TBC1D8B: variants seen among roughly 807,000 people sequenced by gnomAD.
TBC1D8B encodes the protein TBC1 domain family member 8B.
In TBC1D8B, 75 loss-of-function variants were observed where a neutral mutation model predicts 82.9. The observed-to-expected ratio is 0.90, with a 90% CI of 0.75 to 1.10. The LOEUF is 1.10. Among genes scored for constraint, TBC1D8B ranks in the 50% least tolerant of loss-of-function variants. The pLI is 0.00. For missense variants in TBC1D8B, 794 were observed against 796.9 expected (o/e 1.00, Z 0.04); for synonymous variants, 276 against 276.8 (o/e 1.00, Z 0.03).
chrX:106,847,099 G>C (rs2046061536), intron 10 of TBC1D8B, among the ~76,000 whole-genome samples: 1 of 111,523 alleles, frequency 9.0e-6, no homozygotes, highest in African/African-American at 3.3e-5. Flanking sequence ...TTCATTTCTA[G>C]GTATGTGTCC....
rs1165913010 is a variant in TBC1D8B at position 106,874,490 on chromosome X, ATAT to A, written c.*531_*533del. On this transcript the variant is annotated 3_prime_UTR_variant, in exon 21 of 21. Coordinates refer to ENST00000357242, the MANE Select transcript of TBC1D8B (RefSeq NM_017752.3). The stretch of plus-strand genomic sequence containing the variant: ...CTTGTTTTCAAGTTATCTAACTGAA[ATAT>A]TATTAATTTTTTTAAGTTAATCTCA... 1.8e-5 allele frequency: 2 copies of A among 111,713 alleles called. No homozygotes were observed. Among genetic ancestry groups the A allele is most frequent in the African/African-American group, 3.3e-5 (1 of 30,659 alleles). The allele number at this position is 111,713 out of a possible 1,213,427, so 9.2% of individuals were successfully genotyped here.
chrX:106,826,109 C>T lies in TBC1D8B; in HGVS notation c.907C>T (p.His303Tyr). The change falls in exon 6 of 21, where the codon CAT becomes TAT. Residue 303 changes from histidine to tyrosine, a missense_variant. By Grantham distance (83) the His-to-Tyr change is moderately conservative (BLOSUM62 2). Transcript: ENST00000357242. ...LPKGESLKEV[H>Y]ECFLWVPFSH... ...CAAAGGAGAGAGTTTGAAAGAAGTA[C>T]ATGAATGTTTCTTATGGGTACCATT... The T allele has an allele frequency of 3.3e-6, 4 of 1,210,500 alleles. No homozygotes were observed. The highest frequency in any genetic ancestry group is 3.4e-6 in the Non-Finnish European group (3 of 894,769).
Position 106,865,591 on chromosome X carries a change from C to A in TBC1D8B, c.2385C>A (p.Ser795Arg). The A allele has an allele frequency of 8.3e-7, 1 of 1,199,551 alleles. No individual in the cohort carries two copies. Among genetic ancestry groups the A allele is most frequent in the Non-Finnish European group, 1.1e-6 (1 of 889,662 alleles). The change falls in exon 15 of 21, where the codon AGC becomes AGA. Residue 795 changes from serine to arginine, a missense_variant. Physicochemically the swap from Ser to Arg is moderately radical, Grantham distance 110. Coordinates refer to ENST00000357242, the MANE Select transcript of TBC1D8B (RefSeq NM_017752.3). ...LRVVSQDVKL[S>R]LQELDELYVI... ...TTGTATCACAAGATGTGAAATTGAG[C>A]CTTCAAGAATTGGATGAACTTTATG...
At chrX:106,834,837 G>A (rs1932134460) in intron 7 of TBC1D8B, among the ~76,000 whole-genome samples, 1 of 112,169 alleles carries the variant, frequency 8.9e-6, no homozygotes, top group African/African-American at 3.2e-5. Flanking sequence ...TGATGTGAGA[G>A]GTGGGCTGCC....
At chrX:106,811,756 C>A (rs1212150218) in intron 1 of TBC1D8B, among the ~76,000 whole-genome samples, 1 of 111,505 alleles carries the variant, frequency 9.0e-6, no homozygotes, top group Non-Finnish European at 1.9e-5. Flanking sequence ...CTGAGGGTTA[C>A]TCTTTTTGTG....
chrX:106,854,711 T>A lies in TBC1D8B; in HGVS notation c.2352+415T>A, dbSNP rs148795495. ...AAATTTTTTTTTTAGAGATAGGGTCTCAGTATGTTTCCCAGGCTGTCTCAA... is the reference window on the plus strand; with the variant it reads ...AAATTTTTTTTTTAGAGATAGGGTCACAGTATGTTTCCCAGGCTGTCTCAA... On this transcript the variant is annotated intron_variant, in intron 14 of 20. Coordinates refer to ENST00000357242, the MANE Select transcript of TBC1D8B (RefSeq NM_017752.3). Among the ~76,000 whole-genome samples, 213 of 110,240 alleles carry A rather than the reference T, an allele frequency of 1.9e-3. 2 individuals are homozygous for A. The East Asian group carries it at 0.057, about 30-fold the overall frequency.
At chrX:106,832,027 T>G (rs1007835092) in intron 7 of TBC1D8B, among the ~76,000 whole-genome samples, 3 of 111,454 alleles carry the variant, frequency 2.7e-5, no homozygotes, top group African/African-American at 9.7e-5. Context: ...ACAGAAATTA[T>G]AGCTATATTC....
chrX:106,805,503 A>C (rs1931160750), intron 1 of TBC1D8B, among the ~76,000 whole-genome samples: 1 of 111,588 alleles, frequency 9.0e-6, no homozygotes, highest in African/African-American at 3.3e-5. Flanking sequence ...TGAAGAAATA[A>C]ACTAAGATTT....
In TBC1D8B at chrX:106,868,434, G is replaced by A; in HGVS notation, c.2770G>A (p.Glu924Lys). The A allele has an allele frequency of 1.0e-6, 1 of 1,003,753 alleles. No individual in the cohort carries two copies. The highest frequency in any genetic ancestry group is 1.3e-6 in the Non-Finnish European group (1 of 781,933). 82.7% of individuals were successfully genotyped at this position (1,003,753 alleles called of 1,213,427 possible). Residue 924 changes from glutamate to lysine, a missense_variant, in exon 18 of 21, where the codon GAA becomes AAA. Coordinates refer to ENST00000357242, the MANE Select transcript of TBC1D8B (RefSeq NM_017752.3). ...VKSKDASKGDELSKEELLYFS... is the reference protein window; with the variant it reads ...VKSKDASKGDKLSKEELLYFS... Reference sequence around the variant, plus strand: ...ATCTAAGGATGCTTCAAAAGGAGATGAACTTTCCAAGGAAGAATTACTTTA... The same window carrying A: ...ATCTAAGGATGCTTCAAAAGGAGATAAACTTTCCAAGGAAGAATTACTTTA...
At chrX:106,834,306 A>G (rs1199529053) in intron 7 of TBC1D8B, among the ~76,000 whole-genome samples, 1 of 111,249 alleles carries the variant, frequency 9.0e-6, no homozygotes, top group Non-Finnish European at 1.9e-5. Flanking sequence ...TTATAAAACC[A>G]TCAGATCTCA....
At chrX:106,827,131 A>G in intron 6 of TBC1D8B, 39 bp from the exon 7 acceptor site, 1 of 1,185,228 alleles carries the variant, frequency 8.4e-7, no homozygotes, top group South Asian at 1.9e-5. Flanking sequence ...TCAACAATAA[A>G]GGAAAATTTA....
chrX:106,821,377 G>A (rs1054637062), intron 3 of TBC1D8B, among the ~76,000 whole-genome samples: 1 of 110,495 alleles, frequency 9.1e-6, no homozygotes, highest in African/African-American at 3.3e-5. Context: ...TGAGTTTTGA[G>A]TTGAATAAAC....
Position 106,865,955 on chromosome X carries a change from C to G in TBC1D8B, c.2584C>G (p.Leu862Val). 1 of 1,208,381 alleles carries G rather than the reference C, an allele frequency of 8.3e-7. No individual in the cohort carries two copies. Among genetic ancestry groups the G allele is most frequent in the Non-Finnish European group, 1.1e-6 (1 of 893,187 alleles). ...PWAHSANKDS[L>V]ALWTFRLLDE... ...GGCTCATTCTGCAAATAAAGACTCACTAGCTTTATGGACATTCAGATTGTT... is the reference window on the plus strand; with the variant it reads ...GGCTCATTCTGCAAATAAAGACTCAGTAGCTTTATGGACATTCAGATTGTT... The change falls in exon 16 of 21, where the codon CTA becomes GTA. Residue 862 changes from leucine (L) to valine (V), a missense_variant. Leu to Val is a conservative substitution (Grantham distance 32, BLOSUM62 1). Transcript: ENST00000357242.
intron 13 of TBC1D8B, 106 bp downstream of exon 13, chrX:106,853,756 C>A (rs186790470): frequency 6.0e-6 from 5 of 834,559 alleles, no homozygotes; most frequent in Non-Finnish European, 8.5e-6. Context: ...TGCAAGTAGA[C>A]ATACAACTTA....
At chrX:106,853,421 G>A (rs1374921217) in intron 12 of TBC1D8B, 100 bp from the exon 13 acceptor site, 14 of 859,125 alleles carry the variant, frequency 1.6e-5, no homozygotes, top group Non-Finnish European at 2.2e-5. Flanking sequence ...CCTCTCAGTT[G>A]AAAGTAACCT....
At chrX:106,827,447 T>C (rs927008546) in intron 7 of TBC1D8B, 110 bp downstream of exon 7, 2 of 840,349 alleles carry the variant, frequency 2.4e-6, no homozygotes, top group Non-Finnish European at 1.7e-6. Context: ...CCCAGGGGTT[T>C]TTTTTAAAGA....
intron 20 of TBC1D8B, 54 bp downstream of exon 20, chrX:106,870,867 G>A: frequency 2.5e-6 from 2 of 793,326 alleles, no homozygotes; most frequent in Non-Finnish European, 3.7e-6. Flanking sequence ...GTATGGATGT[G>A]GGTGTAACCT....
rs773274775 is a variant in TBC1D8B, at chrX:106,854,214, G to A, written c.2270G>A (p.Arg757His). Residue 757 changes from arginine to histidine, a missense_variant, in exon 14 of 21, where the codon CGC (arginine) becomes CAC (histidine). Arg to His is a conservative substitution (Grantham distance 29). Transcript: ENST00000357242. The stretch of plus-strand genomic sequence containing the variant: ...CTCTTGCAGAAATATGGTAATATTC[G>A]CTATGAAGATATACATAGTATGCGC... Reference protein sequence around the residue: ...RESNEKYGNIRYEDIHSMRCR... With the variant: ...RESNEKYGNIHYEDIHSMRCR... 22 of 1,168,069 alleles carry A rather than the reference G, an allele frequency of 1.9e-5. No homozygotes were observed. The highest frequency in any genetic ancestry group is 3.1e-5 in the East Asian group (1 of 31,961).
chrX:106,869,262 T>A (rs1157813906), intron 18 of TBC1D8B, among the ~76,000 whole-genome samples: 2 of 112,066 alleles, frequency 1.8e-5, no homozygotes, highest in Non-Finnish European at 3.8e-5. Flanking sequence ...ATATTTGGTA[T>A]GCTTCCTTCT....
Sources: allele counts gnomAD v4.1 joint callset (sites outside exome capture counted in the v4.1 genomes callset), GRCh38; gene constraint gnomAD v4.1.1; transcripts MANE v1.5; gene names NCBI Gene and HGNC (gene_info 2026-07-23, HGNC 2026-07-21).